C8orf58: variants seen among roughly 807,000 people sequenced by gnomAD.
C8orf58 encodes the protein uncharacterized protein C8orf58.
In C8orf58, 31 loss-of-function variants were observed where a neutral mutation model predicts 36.8. That is an observed-to-expected ratio of 0.84 (90% CI 0.63 to 1.14). The LOEUF is 1.14. Ranked by LOEUF, C8orf58 falls within the 50% of genes most tolerant of loss-of-function variation. The pLI, the probability that C8orf58 is intolerant of heterozygous loss-of-function variation, is 0.00. For missense variants in C8orf58, 538 were observed against 480.8 expected (o/e 1.12, Z -1.11); for synonymous variants, 230 against 200.2 (o/e 1.15, Z -1.26).
In C8orf58 at chr8:22,601,373, C is replaced by T. The variant is rs1458762728; in HGVS notation, c.516+16C>T. On this transcript the variant is annotated intron_variant, in intron 2 of 6. Coordinates refer to ENST00000289989, the MANE Select transcript of C8orf58 (RefSeq NM_001013842.3). ...AGAAGAGGCGGTGAGTGCTCACTCT[C>T]AGGCTGGGTTTAAGAGTGGGATGGA... 6.5e-7 allele frequency: 1 copy of T among 1,529,330 alleles called. No individual in the cohort carries two copies. The highest frequency in any genetic ancestry group is 8.8e-7 in the Non-Finnish European group (1 of 1,130,294). The allele number at this position is 1,529,330 out of a possible 1,614,324, so 94.7% of individuals were successfully genotyped here. A position where few individuals can be genotyped will look rare whatever the true frequency, so the allele number is the denominator to read the frequency against.
chr8:22,599,890 G>GCGCCTCCCTCGC (rs1482187504), intron 1 of C8orf58, 130 bp downstream of exon 1: 1 of 410,424 alleles, frequency 2.4e-6, no homozygotes, highest in Non-Finnish European at 4.1e-6. Flanking sequence ...CCGCGCCGCT[G>GCGCCTCCCTCGC]CGCCTCCCTC....
chr8:22,602,066 AGACAGAGC>A lies in C8orf58; in HGVS notation c.753_760del (p.Thr252HisfsTer64). ...CAGGGGCCATGGGAGCTGCTAAGCC[AGACAGAGC>A]ACACAGGTGAGGGGCCATCGTGTCT... On this transcript the variant is annotated frameshift_variant, in exon 4 of 7. Transcript: ENST00000289989. LOFTEE classifies it high-confidence loss of function. 6.4e-7 allele frequency: 1 copy of A among 1,573,618 alleles called. No homozygotes were observed.
At position 22,601,221 on chromosome 8, in the gene C8orf58, C is replaced by T; in HGVS notation, c.380C>T (p.Ala127Val). Residue 127 changes from alanine to valine, a missense_variant, in exon 2 of 7, where the codon GCT becomes GTT. Physicochemically the swap from Ala to Val is moderately conservative, Grantham distance 64. Transcript: ENST00000289989. Reference protein sequence around the residue: ...VLERSRRLPTAPTSLSGQHRS... With the variant: ...VLERSRRLPTVPTSLSGQHRS... ...GAGCGGTCCCGCCGGCTCCCAACAG[C>T]TCCCACCAGCTTGTCAGGACAACAC... 7 of 1,609,900 alleles carry T rather than the reference C, an allele frequency of 4.3e-6. No individual in the cohort carries two copies. Among genetic ancestry groups the T allele is most frequent in the Non-Finnish European group, 5.9e-6 (7 of 1,178,804 alleles).
chr8:22,601,848 C>G lies in C8orf58; in HGVS notation c.653C>G (p.Pro218Arg). The G allele has an allele frequency of 6.2e-7, 1 of 1,605,118 alleles. No individual in the cohort carries two copies. Among genetic ancestry groups the G allele is most frequent in the Non-Finnish European group, 8.5e-7 (1 of 1,175,966 alleles). The change falls in exon 3 of 7, where the codon CCA (proline) becomes CGA (arginine). Residue 218 changes from proline (P) to arginine (R), a missense_variant. Physicochemically the swap from Pro to Arg is moderately radical, Grantham distance 103. Transcript: ENST00000289989. ...CTGCAGCTGCGGATCCAGAGGCCCC[C>G]AGGGGTGAGTGAGATTCGAGTGGGG... ...LYLQLRIQRP[P>R]GDPGEEESTR... is the part of the protein sequence containing the mutation.
At chr8:22,600,846 G>A in intron 1 of C8orf58, 36 bp from the exon 2 acceptor site, 2 of 1,522,100 alleles carry the variant, frequency 1.3e-6, no homozygotes, top group Non-Finnish European at 8.9e-7. Flanking sequence ...GGTGTTGGGG[G>A]TGGCCTGCCC....
rs199601151 is a variant in C8orf58 at position 22,601,871 on chromosome 8, G to A, written c.657+19G>A. On this transcript the variant is annotated intron_variant, in intron 3 of 6. Coordinates refer to ENST00000289989, the MANE Select transcript of C8orf58 (RefSeq NM_001013842.3). ...CCCAGGGGTGAGTGAGATTCGAGTG[G>A]GGGAGGGAGAGGACAGATGGGACCC... 9 of 1,593,242 alleles carry A rather than the reference G, an allele frequency of 5.6e-6. No individual in the cohort carries two copies. The highest frequency in any genetic ancestry group is 1.3e-5 in the African/African-American group (1 of 74,316).
rs1204636935 is a variant in C8orf58, at chr8:22,601,852, G to A, written c.657G>A (p.Gly219=). 11 of 1,602,736 alleles carry A rather than the reference G, an allele frequency of 6.9e-6. No individual in the cohort carries two copies. Among genetic ancestry groups the A allele is most frequent in the South Asian group, 4.4e-5 (4 of 90,218 alleles). ...YLQLRIQRPP[G]DPGEEESTRA... ...AGCTGCGGATCCAGAGGCCCCCAGG[G>A]GTGAGTGAGATTCGAGTGGGGGAGG... The change falls in exon 3 of 7, where the codon GGG becomes GGA. Residue 219 remains glycine, a splice_region_variant and synonymous_variant. Transcript: ENST00000289989.
At position 22,599,670 on chromosome 8, in the gene C8orf58, C is replaced by T; in HGVS notation, c.-51C>T. ...TGCCCGAGCTCCGCGGGGACTCGGGCCGGGATCCTCGGGCGGCTGCATTGG... is the reference window on the plus strand; with the variant it reads ...TGCCCGAGCTCCGCGGGGACTCGGGTCGGGATCCTCGGGCGGCTGCATTGG... On this transcript the variant is annotated 5_prime_UTR_variant, in exon 1 of 7. Transcript: ENST00000289989. The T allele has an allele frequency of 9.3e-7, 1 of 1,071,656 alleles. No homozygotes were observed. Among genetic ancestry groups the T allele is most frequent in the Non-Finnish European group, 1.2e-6 (1 of 850,672 alleles). 66.4% of individuals were successfully genotyped at this position (1,071,656 alleles called of 1,614,324 possible). A position where few individuals can be genotyped will look rare whatever the true frequency, so the allele number is the denominator to read the frequency against.
rs767208210 is a variant in C8orf58, at chr8:22,601,007, G to T, written c.166G>T (p.Gly56Cys). 3 of 1,612,794 alleles carry T rather than the reference G, an allele frequency of 1.9e-6. No homozygotes were observed. Among genetic ancestry groups the T allele is most frequent in the Non-Finnish European group, 2.5e-6 (3 of 1,180,008 alleles). ...WERGDKFRGV[G>C]REALFLKLAS... ...GAGAGGTGACAAGTTCAGAGGTGTC[G>T]GCAGGGAGGCACTCTTTCTCAAACT... Residue 56 changes from glycine to cysteine, a missense_variant, in exon 2 of 7, where the codon GGC becomes TGC. By Grantham distance (159) the Gly-to-Cys change is radical. Transcript: ENST00000289989.
At chr8:22,601,634 C>T (rs1461438053) in intron 2 of C8orf58, 78 bp from the exon 3 acceptor site, 1 of 1,491,128 alleles carries the variant, frequency 6.7e-7, no homozygotes, top group Non-Finnish European at 9.0e-7. Flanking sequence ...CATCTGCTGG[C>T]TGAGCCCAGC....
At position 22,599,685 on chromosome 8, in the gene C8orf58, G is replaced by T; in HGVS notation, c.-36G>T. ...GGGACTCGGGCCGGGATCCTCGGGC[G>T]GCTGCATTGGCCGGGGCCGGGGCCG... On this transcript the variant is annotated 5_prime_UTR_variant, in exon 1 of 7. Coordinates refer to ENST00000289989, the MANE Select transcript of C8orf58 (RefSeq NM_001013842.3). 9 of 1,165,664 alleles carry T rather than the reference G, an allele frequency of 7.7e-6. No homozygotes were observed. Among genetic ancestry groups the T allele is most frequent in the Non-Finnish European group, 9.6e-6 (9 of 934,674 alleles). The allele number at this position is 1,165,664 out of a possible 1,614,324, so 72.2% of individuals were successfully genotyped here. A position where few individuals can be genotyped will look rare whatever the true frequency, so the allele number is the denominator to read the frequency against.
rs149149209 is a variant in C8orf58 at position 22,600,256 on chromosome 8, G to A, written c.40+496G>A. The A allele has an allele frequency of 2.4e-3, 375 of 158,880 alleles. 1 individual carries two copies. Among genetic ancestry groups the A allele is most frequent in the African/African-American group, 8.5e-3 (357 of 41,862 alleles). 9.8% of individuals were successfully genotyped at this position (158,880 alleles called of 1,614,324 possible). A position where few individuals can be genotyped will look rare whatever the true frequency, so the allele number is the denominator to read the frequency against. On this transcript the variant is annotated intron_variant, in intron 1 of 6. Coordinates refer to ENST00000289989, the MANE Select transcript of C8orf58 (RefSeq NM_001013842.3). ...GGGCCTGGCGGAGGTGACAGTGAGG[G>A]GGTGCTAATGCTGCCCCTTCGTCCC...
intron 3 of C8orf58, 38 bp downstream of exon 3, chr8:22,601,890 G>A: frequency 6.4e-7 from 1 of 1,568,476 alleles, no homozygotes; most frequent in South Asian, 1.2e-5. Flanking sequence ...GAGGACAGAT[G>A]GGACCCTGGG....
At position 22,600,903 on chromosome 8, in the gene C8orf58, C is replaced by T; in HGVS notation, c.62C>T (p.Ala21Val). 1 of 1,608,730 alleles carries T rather than the reference C, an allele frequency of 6.2e-7. No homozygotes were observed. Among genetic ancestry groups the T allele is most frequent in the South Asian group, 1.1e-5 (1 of 90,642 alleles). ...DGRDGAGEGL[A>V]RGCIVPGVTS... Reference sequence around the variant, plus strand: ...GCAGATGGGGCTGGCGAGGGCCTGGCACGGGGCTGCATAGTGCCTGGAGTC... The same window carrying T: ...GCAGATGGGGCTGGCGAGGGCCTGGTACGGGGCTGCATAGTGCCTGGAGTC... Residue 21 changes from alanine (A) to valine (V), a missense_variant, in exon 2 of 7, where the codon GCA becomes GTA. Ala to Val is a moderately conservative substitution (Grantham distance 64). Coordinates refer to ENST00000289989, the MANE Select transcript of C8orf58 (RefSeq NM_001013842.3).
intron 6 of C8orf58, chr8:22,602,958 G>A: frequency 3.4e-6 from 2 of 592,170 alleles, no homozygotes. Context: ...CCACCTTCCA[G>A]GTTCGTGGGG....
chr8:22,603,936 C>A lies in C8orf58; in HGVS notation c.*630C>A, dbSNP rs1043987510. ...AGGAAGATCAGGGACAACCTGGGAA[C>A]TGAATAACTTTCAAAGCCAGTGCTC... is the stretch of plus-strand genomic sequence containing the variant. On this transcript the variant is annotated 3_prime_UTR_variant, in exon 7 of 7. Coordinates refer to ENST00000289989, the MANE Select transcript of C8orf58 (RefSeq NM_001013842.3). 13 of 167,044 alleles carry A rather than the reference C, an allele frequency of 7.8e-5. No homozygotes were observed. The highest frequency in any genetic ancestry group is 5.0e-4 in the Admixed American group (9 of 17,954). 10.3% of individuals were successfully genotyped at this position (167,044 alleles called of 1,614,324 possible).
chr8:22,600,325 C>T (rs1346500285), intron 1 of C8orf58: 3 of 154,850 alleles, frequency 1.9e-5, no homozygotes, highest in African/African-American at 7.2e-5. Context: ...TTCATAAAAT[C>T]TTCACTATTG....
At chr8:22,603,036 A>C (rs146365833) in intron 6 of C8orf58, 159 bp from the exon 7 acceptor site, 2 of 620,890 alleles carry the variant, frequency 3.2e-6, no homozygotes, top group African/African-American at 1.8e-5. Flanking sequence ...CTTGTATTGA[A>C]TCGTTCTCCA....
At position 22,603,250 on chromosome 8, in the gene C8orf58, T is replaced by C. The variant is rs752023104; in HGVS notation, c.1042T>C (p.Phe348Leu). The C allele has an allele frequency of 3.1e-6, 5 of 1,613,924 alleles. No homozygotes were observed. The highest frequency in any genetic ancestry group is 3.4e-6 in the Non-Finnish European group (4 of 1,180,026). The change falls in exon 7 of 7, where the codon TTT becomes CTT. Residue 348 changes from phenylalanine to leucine, a missense_variant. By Grantham distance (22) the Phe-to-Leu change is conservative. Coordinates refer to ENST00000289989, the MANE Select transcript of C8orf58 (RefSeq NM_001013842.3). ...TCAGTGCCGCCCCCACCGGAAGACCTTTATGCCATCATTAGTGGTTAAGAA... is the reference window on the plus strand; with the variant it reads ...TCAGTGCCGCCCCCACCGGAAGACCCTTATGCCATCATTAGTGGTTAAGAA... ...RPQCRPHRKT[F>L]MPSLVVKKQR...
Sources: allele counts gnomAD v4.1 joint callset, GRCh38; gene constraint gnomAD v4.1.1; transcripts MANE v1.5; gene names NCBI Gene and HGNC (gene_info 2026-07-23, HGNC 2026-07-21).